GZMM: variants seen among roughly 807,000 people sequenced by gnomAD.
GZMM encodes granzyme M.
In GZMM, 23 loss-of-function variants were observed where a neutral mutation model predicts 19.2. The observed-to-expected ratio is 1.20, with a 90% CI of 0.86 to 1.69. The LOEUF (loss-of-function observed/expected upper bound fraction) is 1.69, where lower values mean the gene tolerates loss of function less well. GZMM is among the 40% of genes most tolerant of loss of function. The pLI is 0.00. For missense variants in GZMM, 373 were observed against 352.2 expected, an observed-to-expected ratio of 1.06 and a Z score of -0.47; for synonymous variants, 178 against 160.2, an observed-to-expected ratio of 1.11 and a Z score of -0.84.
At chr19:547,057 G>A (rs1980311638) in intron 1 of GZMM, among the ~76,000 whole-genome samples, 1 of 148,648 alleles carries the variant, frequency 6.7e-6, no homozygotes, top group Admixed American at 6.7e-5. Flanking sequence ...AGAGGGGATT[G>A]GGAGGTGGCC....
intron 2 of GZMM, among the ~76,000 whole-genome samples, chr19:547,869 G>A (rs2070799): frequency 1.0e-3 from 156 of 152,250 alleles, no homozygotes; most frequent in Non-Finnish European, 2.0e-3. Flanking sequence ...CCTGGTTCCC[G>A]GGGATCAGGA....
chr19:545,054 C>T (rs886828108), intron 1 of GZMM, among the ~76,000 whole-genome samples: 1 of 150,614 alleles, frequency 6.6e-6, no homozygotes, highest in Non-Finnish European at 1.5e-5. Flanking sequence ...TTTCCCCCCT[C>T]CTTCCCTCCT....
Position 548,966 on chromosome 19 carries a change from C to T in GZMM, c.393C>T (p.Ala131=). ...VKPSRTIRPL[A]LPSKRQVVAA... is the part of the protein sequence containing the mutation. Reference sequence around the variant, plus strand: ...CCAGCCGGACCATCCGGCCGTTGGCCCTGCCCAGTAAGCGCCAGGTGGTGG... The same window carrying T: ...CCAGCCGGACCATCCGGCCGTTGGCTCTGCCCAGTAAGCGCCAGGTGGTGG... The change falls in exon 4 of 5, where the codon GCC becomes GCT. Residue 131 remains alanine (A), a synonymous_variant. Transcript: ENST00000264553. 6.2e-7 allele frequency: 1 copy of T among 1,601,084 alleles called. No homozygotes were observed. The highest frequency in any genetic ancestry group is 8.5e-7 in the Non-Finnish European group (1 of 1,173,126).
At chr19:544,314 G>A (rs1023986972) in intron 1 of GZMM, among the ~76,000 whole-genome samples, 188 bp downstream of exon 1, 1 of 152,200 alleles carries the variant, frequency 6.6e-6, no homozygotes, top group Non-Finnish European at 1.5e-5. Flanking sequence ...GACATCCCGG[G>A]ACCGTGGGAG....
chr19:548,866 G>T, intron 3 of GZMM, 56 bp from the exon 4 acceptor site: 1 of 556,898 alleles, frequency 1.8e-6, no homozygotes. Flanking sequence ...GCCGCCCCCC[G>T]CCCCCGCACT....
At position 548,584 on chromosome 19, in the gene GZMM, C is replaced by A; in HGVS notation, c.255C>A (p.Asp85Glu). 1 of 1,613,216 alleles carries A rather than the reference C, an allele frequency of 6.2e-7. No homozygotes were observed. ...LRLVLGLHTL[D>E]SPGLTFHIKA... ...TGGTGCTGGGGCTCCACACCCTGGA[C>A]AGCCCCGGTCTCACCTTCCACATCA... The change falls in exon 3 of 5, where the codon GAC becomes GAA. Residue 85 changes from aspartate to glutamate, a missense_variant. By Grantham distance (45) the Asp-to-Glu change is conservative. Transcript: ENST00000264553.
chr19:548,036 G>A (rs993464521), intron 2 of GZMM, among the ~76,000 whole-genome samples: 5 of 152,158 alleles, frequency 3.3e-5, no homozygotes, highest in African/African-American at 2.4e-5. Context: ...GCTTGATCCA[G>A]GTGCTCACAG....
intron 1 of GZMM, among the ~76,000 whole-genome samples, chr19:545,728 C>G (rs1351508686): frequency 1.3e-5 from 2 of 151,820 alleles, no homozygotes; most frequent in African/African-American, 4.8e-5. Flanking sequence ...ACCACAACCT[C>G]TGCCTCCCGG....
intron 4 of GZMM, 81 bp downstream of exon 4, chr19:549,266 G>A: frequency 2.2e-6 from 3 of 1,386,086 alleles, no homozygotes; most frequent in Non-Finnish European, 2.9e-6. Flanking sequence ...CAGGTTCCTG[G>A]CTCTCCCGTT....
chr19:548,865 C>T (rs12972174), intron 3 of GZMM, 57 bp from the exon 4 acceptor site: 592,278 of 629,916 alleles, frequency 0.94, 279,707 homozygotes, highest in East Asian at 1. Context: ...TGCCGCCCCC[C>T]GCCCCCGCAC....
At chr19:546,909 C>T (rs1980306243) in intron 1 of GZMM, among the ~76,000 whole-genome samples, 1 of 152,034 alleles carries the variant, frequency 6.6e-6, no homozygotes, top group East Asian at 1.9e-4. Context: ...GTCTCGAACT[C>T]CTGGCCTCAA....
Position 548,978 on chromosome 19 carries a change from G to T in GZMM, c.405G>T (p.Lys135Asn), listed in dbSNP as rs201131588. The change falls in exon 4 of 5, where the codon AAG (lysine) becomes AAT (asparagine). Residue 135 changes from lysine (K) to asparagine (N), a missense_variant. Coordinates refer to ENST00000264553, the MANE Select transcript of GZMM (RefSeq NM_005317.4). ...RTIRPLALPSKRQVVAAGTRC... is the reference protein window; with the variant it reads ...RTIRPLALPSNRQVVAAGTRC... ...TCCGGCCGTTGGCCCTGCCCAGTAAGCGCCAGGTGGTGGCAGCAGGGACTC... is the reference window on the plus strand; with the variant it reads ...TCCGGCCGTTGGCCCTGCCCAGTAATCGCCAGGTGGTGGCAGCAGGGACTC... The T allele has an allele frequency of 6.2e-7, 1 of 1,603,476 alleles. No homozygotes were observed. The highest frequency in any genetic ancestry group is 2.2e-5 in the East Asian group (1 of 44,518).
In GZMM at chr19:549,656, T is replaced by C. The variant is rs1980439750; in HGVS notation, c.639T>C (p.Cys213=). The C allele has an allele frequency of 6.2e-7, 1 of 1,613,274 alleles. No individual in the cohort carries two copies. Among genetic ancestry groups the C allele is most frequent in the Admixed American group, 1.7e-5 (1 of 59,994 alleles). ...CKGDSGGPLV[C]GKGRVLARVL... is the part of the protein sequence containing the mutation. ...GTGACTCGGGCGGGCCCCTGGTGTGTGGCAAAGGCCGGGTGTTGGCCAGAG... is the reference window on the plus strand; with the variant it reads ...GTGACTCGGGCGGGCCCCTGGTGTGCGGCAAAGGCCGGGTGTTGGCCAGAG... The change falls in exon 5 of 5, where the codon TGT becomes TGC. Residue 213 remains cysteine, a synonymous_variant. Coordinates refer to ENST00000264553, the MANE Select transcript of GZMM (RefSeq NM_005317.4).
intron 4 of GZMM, among the ~76,000 whole-genome samples, 200 bp downstream of exon 4, chr19:549,385 C>G (rs1008610846): frequency 6.6e-6 from 1 of 152,196 alleles, no homozygotes; most frequent in East Asian, 1.9e-4. Flanking sequence ...TGCGCAAGAC[C>G]ACACAGCCGG....
rs748848680 is a variant in GZMM, at chr19:548,628, C to G, written c.299C>G (p.Pro100Arg). The part of the protein sequence containing the change: ...TFHIKAAIQH[P>R]RYKPVPALEN... ...CACATCAAGGCAGCCATCCAGCACC[C>G]TCGCTACAAGCCCGTCCCTGCCCTG... Residue 100 changes from proline to arginine, a missense_variant, in exon 3 of 5, where the codon CCT (proline) becomes CGT (arginine). Transcript: ENST00000264553. The G allele has an allele frequency of 4.3e-6, 7 of 1,613,582 alleles. No homozygotes were observed. In the African/African-American group the frequency reaches 9.3e-5, roughly 22 times the overall value.
chr19:549,716 CT>C lies in GZMM; in HGVS notation c.701del (p.Phe234SerfsTer29). 1 of 1,613,798 alleles carries C rather than the reference CT, an allele frequency of 6.2e-7. No homozygotes were observed. The highest frequency in any genetic ancestry group is 8.5e-7 in the Non-Finnish European group (1 of 1,179,910). ...SFSSRVCTDIFKPPVATAVAP... is the reference protein window; with the variant it reads ...SFSSRVCTDIXKPPVATAVAP... ...TCAGCTCCAGGGTCTGCACTGACATCTTCAAGCCTCCCGTGGCCACCGCTGT... is the reference window on the plus strand; with the variant it reads ...TCAGCTCCAGGGTCTGCACTGACATCTCAAGCCTCCCGTGGCCACCGCTGT... On this transcript the variant is annotated frameshift_variant, in exon 5 of 5. Coordinates refer to ENST00000264553, the MANE Select transcript of GZMM (RefSeq NM_005317.4). LOFTEE classifies it low-confidence loss of function (END_TRUNC).
In GZMM at chr19:547,324, C is replaced by T. The variant is rs1980323894; in HGVS notation, c.100C>T (p.Pro34Ser). Reference sequence around the variant, plus strand: ...GATCATCGGGGGCCGGGAGGTGATCCCCCACTCGCGCCCGTACATGGCCTC... The same window carrying T: ...GATCATCGGGGGCCGGGAGGTGATCTCCCACTCGCGCCCGTACATGGCCTC... ...TQIIGGREVIPHSRPYMASLQ... is the reference protein window; with the variant it reads ...TQIIGGREVISHSRPYMASLQ... The change falls in exon 2 of 5, where the codon CCC becomes TCC. Residue 34 changes from proline (P) to serine (S), a missense_variant. By Grantham distance (74) the Pro-to-Ser change is moderately conservative. Coordinates refer to ENST00000264553, the MANE Select transcript of GZMM (RefSeq NM_005317.4). The T allele has an allele frequency of 6.3e-7, 1 of 1,574,970 alleles. No homozygotes were observed. Among genetic ancestry groups the T allele is most frequent in the Non-Finnish European group, 8.6e-7 (1 of 1,161,918 alleles).
intron 1 of GZMM, among the ~76,000 whole-genome samples, chr19:544,350 G>A (rs1340020586): frequency 2.6e-5 from 4 of 152,128 alleles, no homozygotes; most frequent in East Asian, 1.9e-4. Flanking sequence ...GGCTCACCTC[G>A]CCCATCCTCC....
rs748318382 is a variant in GZMM, at chr19:549,915, C to T, written c.*124C>T. The T allele has an allele frequency of 2.4e-5, 18 of 747,218 alleles. No homozygotes were observed. Among genetic ancestry groups the T allele is most frequent in the East Asian group, 1.1e-4 (4 of 36,842 alleles). 46.3% of individuals were successfully genotyped at this position (747,218 alleles called of 1,614,324 possible). On this transcript the variant is annotated 3_prime_UTR_variant, in exon 5 of 5. Transcript: ENST00000264553. ...GGACCAATAAATCATAATGAAGAAA[C>T]GCTCAGAGCCCGCCTGAGTCCCAGC...
Sources: allele counts gnomAD v4.1 joint callset (sites outside exome capture counted in the v4.1 genomes callset), GRCh38; gene constraint gnomAD v4.1.1; transcripts MANE v1.5; gene names NCBI Gene and HGNC (gene_info 2026-07-23, HGNC 2026-07-21).